The following HMCN1 variants were observed in gnomAD, a reference collection of about 807,000 sequenced individuals.
HMCN1 encodes hemicentin 1.
Under a neutral mutation model 625.9 loss-of-function variants are expected in HMCN1, and 321 were observed. The observed-to-expected ratio is 0.51, with a 90% CI of 0.47 to 0.56. The LOEUF is 0.56. Among genes scored for constraint, HMCN1 ranks in the 20% least tolerant of loss-of-function variants. HMCN1 has a pLI of 0.00. For missense variants in HMCN1, 6,588 were observed against 6,887.3 expected (o/e 0.96, Z 1.54); for synonymous variants, 2,425 against 2,417.6 (o/e 1.00, Z -0.09).
intron 11 of HMCN1, among the ~76,000 whole-genome samples, chr1:185,946,766 T>C (rs905034993): frequency 3.3e-5 from 5 of 152,228 alleles, no homozygotes; most frequent in African/African-American, 1.2e-4. Flanking sequence ...AAAAATAGTA[T>C]TAAGTGGAAA....
At chr1:185,856,829 G>A (rs556058003) in intron 2 of HMCN1, among the ~76,000 whole-genome samples, 1 of 152,258 alleles carries the variant, frequency 6.6e-6, no homozygotes, top group Non-Finnish European at 1.5e-5. Context: ...ATTGAAATAG[G>A]TTGACTAGAA....
At chr1:185,976,910 T>G (rs1651254053) in intron 15 of HMCN1, among the ~76,000 whole-genome samples, 2 of 152,102 alleles carry the variant, frequency 1.3e-5, no homozygotes, top group African/African-American at 4.8e-5. Context: ...AAGTACCCTG[T>G]ATATTTCTCC....
Position 186,090,796 on chromosome 1 carries a change from G to A in HMCN1, c.9766G>A (p.Val3256Ile). 1 of 1,612,598 alleles carries A rather than the reference G, an allele frequency of 6.2e-7. No individual in the cohort carries two copies. Among genetic ancestry groups the A allele is most frequent in the Non-Finnish European group, 8.5e-7 (1 of 1,179,048 alleles). Residue 3256 changes from valine (V) to isoleucine (I), a missense_variant, in exon 64 of 107, where the codon GTC becomes ATC. Val to Ile is a conservative substitution (Grantham distance 29). Around this residue, in one of 3 missense-constraint regions of HMCN1, gnomAD observed 4,628 missense variants for 4,853.1 expected, o/e 0.95. Transcript: ENST00000271588. ...SVAGAEIPSD[V>I]SVLLGENVEL... ...TGCTGGTGCTGAAATTCCAAGTGATGTCAGTGTCCTTCTAGGAGAAAATGT... is the reference window on the plus strand; with the variant it reads ...TGCTGGTGCTGAAATTCCAAGTGATATCAGTGTCCTTCTAGGAGAAAATGT...
Position 185,815,642 on chromosome 1 carries a change from AC to A in HMCN1, c.269-30383del, listed in dbSNP as rs202058213. On this transcript the variant is annotated intron_variant, in intron 1 of 106. Transcript: ENST00000271588. ...CCAAGAGTTCTAGGTCTTAATATCA[AC>A]ACTAGCAGTTTTGGCTGGCTATGCA... Among the ~76,000 whole-genome samples, 263 of 150,090 alleles carry A rather than the reference AC, an allele frequency of 1.8e-3. 27 individuals are homozygous for A. Among genetic ancestry groups the A allele is most frequent in the African/African-American group, 6.5e-3 (256 of 39,506 alleles).
chr1:185,783,710 C>T lies in HMCN1; in HGVS notation c.268+48663C>T, dbSNP rs144872462. Among the ~76,000 whole-genome samples, 633 of 152,288 alleles carry T rather than the reference C, an allele frequency of 4.2e-3. 2 individuals carry two copies. The highest frequency in any genetic ancestry group is 4.7e-3 in the Non-Finnish European group (322 of 68,022). On this transcript the variant is annotated intron_variant, in intron 1 of 106. Transcript: ENST00000271588. ...TGCCTGATCATTCCTCTGGAAGCTTCGTCTCAGAGGGGTACCCGGCCATGT... is the reference window on the plus strand; with the variant it reads ...TGCCTGATCATTCCTCTGGAAGCTTTGTCTCAGAGGGGTACCCGGCCATGT...
At chr1:186,052,018 C>T (rs569543903) in intron 42 of HMCN1, among the ~76,000 whole-genome samples, 2 of 151,994 alleles carry the variant, frequency 1.3e-5, no homozygotes, top group East Asian at 3.9e-4. Flanking sequence ...AGTATTTAGA[C>T]TGGTTATACA....
chr1:186,091,101 A>G (rs763313524), intron 64 of HMCN1, among the ~76,000 whole-genome samples, 184 bp downstream of exon 64: 19 of 152,032 alleles, frequency 1.2e-4, no homozygotes, highest in Admixed American at 3.9e-4. Context: ...TTAGAGAGTC[A>G]CTCAGAATTG....
intron 97 of HMCN1, among the ~76,000 whole-genome samples, chr1:186,159,023 G>A (rs1183930473): frequency 2.6e-5 from 4 of 152,262 alleles, no homozygotes; most frequent in East Asian, 1.9e-4. Context: ...ACCTTGGGCA[G>A]TATGGCCATT....
intron 6 of HMCN1, among the ~76,000 whole-genome samples, chr1:185,921,524 TTATATA>T (rs981414953): frequency 6.6e-6 from 1 of 152,046 alleles, no homozygotes; most frequent in Non-Finnish European, 1.5e-5. Context: ...AGATTAAAAT[TTATATA>T]TATATACTTC....
chr1:185,836,148 A>G (rs1661162066), intron 1 of HMCN1, among the ~76,000 whole-genome samples: 1 of 152,168 alleles, frequency 6.6e-6, no homozygotes, highest in Non-Finnish European at 1.5e-5. Context: ...GCTCAGAAAT[A>G]TTTCTGTGCT....
At chr1:186,095,165 T>G (rs1248204010) in intron 67 of HMCN1, 78 bp from the exon 68 acceptor site, 2 of 1,365,386 alleles carry the variant, frequency 1.5e-6, no homozygotes, top group African/African-American at 2.9e-5. Flanking sequence ...CATTATAGAA[T>G]TATTCAAATG....
rs904906638 is a variant in HMCN1, at chr1:185,913,240, C to T, written c.900+1460C>T. Among the ~76,000 whole-genome samples the T allele has an allele frequency of 2.0e-5, 3 of 152,256 alleles. No individual in the cohort carries two copies. In the East Asian group the frequency reaches 5.8e-4, roughly 29 times the overall value. On this transcript the variant is annotated intron_variant, in intron 6 of 106. Transcript: ENST00000271588. ...TCTGGTAACTTCTTAATGAATGGGC[C>T]AGAAATGGCCCTTCCTGCCTGTTTT...
chr1:186,181,902 C>T (rs376182416), intron 104 of HMCN1, among the ~76,000 whole-genome samples: 4 of 151,958 alleles, frequency 2.6e-5, no homozygotes, highest in Admixed American at 6.6e-5. Flanking sequence ...AAAAATTGAC[C>T]CGTTTGGGAC....
At chr1:185,950,463 TG>T (rs1668590759) in intron 11 of HMCN1, among the ~76,000 whole-genome samples, 1 of 151,752 alleles carries the variant, frequency 6.6e-6, no homozygotes, top group South Asian at 2.1e-4. Flanking sequence ...CTGGCTCTTG[TG>T]TAAGAATTCT....
At chr1:186,056,701 T>C (rs543237198) in intron 45 of HMCN1, among the ~76,000 whole-genome samples, 2 of 151,924 alleles carry the variant, frequency 1.3e-5, no homozygotes, top group South Asian at 4.1e-4. Context: ...CATTGGGTAC[T>C]CAAAGACATA....
intron 11 of HMCN1, among the ~76,000 whole-genome samples, chr1:185,941,824 G>C (rs1015485597): frequency 6.6e-6 from 1 of 152,058 alleles, no homozygotes; most frequent in Non-Finnish European, 1.5e-5. Flanking sequence ...AAAACTTAAA[G>C]AAAAGAAATA....
chr1:186,070,124 AAGATG>A (rs1334461066), intron 51 of HMCN1, among the ~76,000 whole-genome samples: 1 of 152,216 alleles, frequency 6.6e-6, no homozygotes, highest in Non-Finnish European at 1.5e-5. Flanking sequence ...TCAACAGCCC[AAGATG>A]AGGTCATTAG....
At chr1:186,096,438 G>A (rs1017892003) in intron 68 of HMCN1, among the ~76,000 whole-genome samples, 7 of 152,192 alleles carry the variant, frequency 4.6e-5, no homozygotes, top group African/African-American at 9.6e-5. Flanking sequence ...AAACTGAACC[G>A]AACTAGTTAC....
intron 69 of HMCN1, among the ~76,000 whole-genome samples, chr1:186,105,367 A>G (rs1660562221): frequency 6.6e-6 from 1 of 152,310 alleles, no homozygotes; most frequent in Non-Finnish European, 1.5e-5. Flanking sequence ...TTACTGCATT[A>G]TATTTTGCTT....
Sources: allele counts gnomAD v4.1 joint callset (sites outside exome capture counted in the v4.1 genomes callset), GRCh38; gene constraint gnomAD v4.1.1; regional missense constraint gnomAD v4.1.1; transcripts MANE v1.5; gene names NCBI Gene and HGNC (gene_info 2026-07-23, HGNC 2026-07-21).